Variants in MAP3K19 observed in about 807,000 individuals in gnomAD.
The protein encoded by MAP3K19 is mitogen-activated protein kinase kinase kinase 19.
MAP3K19 carries 91 observed loss-of-function variants against 114.4 expected under a neutral mutation model. The ratio of observed to expected loss-of-function variants is 0.80; its 90% confidence interval spans 0.67 to 0.95. The LOEUF is 0.95. MAP3K19 is among the 40% of genes least tolerant of loss of function. MAP3K19 has a pLI of 0.00. For synonymous variants in MAP3K19, 518 were observed against 530.5 expected, an observed-to-expected ratio of 0.98 and a Z score of 0.32; for missense variants, 1,471 against 1,573.2, an observed-to-expected ratio of 0.94 and a Z score of 1.10.
rs61650738 is a variant in MAP3K19 at position 134,997,820 on chromosome 2, A to AAAAAAAAAAAAAAAAAAAAAAAAAAAC, written c.574+917_574+918insGTTTTTTTTTTTTTTTTTTTTTTTTTT. Among the ~76,000 whole-genome samples the AAAAAAAAAAAAAAAAAAAAAAAAAAAC allele has an allele frequency of 2.2e-4, 32 of 148,472 alleles. 1 individual carries two copies. The highest frequency in any genetic ancestry group is 8.1e-4 in the African/African-American group (32 of 39,646). On this transcript the variant is annotated intron_variant, in intron 8 of 12. Transcript: ENST00000392915. ...GTGACAGAGCGAGACTCCGTCTCAA[A>AAAAAAAAAAAAAAAAAAAAAAAAAAAC]AAAAAAAAAACTTTAAGCACTGCTT... is the stretch of plus-strand genomic sequence containing the variant.
At chr2:134,965,416 G>A (rs1265349071) in intron 12 of MAP3K19, among the ~76,000 whole-genome samples, 3 of 152,208 alleles carry the variant, frequency 2.0e-5, no homozygotes, top group Admixed American at 6.5e-5. Flanking sequence ...CTGGATTAAC[G>A]TAAGATAGAG....
chr2:135,041,264 C>T (rs1688640464), intron 1 of MAP3K19, among the ~76,000 whole-genome samples: 1 of 151,904 alleles, frequency 6.6e-6, no homozygotes. Flanking sequence ...TAACTCATAT[C>T]AGTTTTCCAA....
intron 3 of MAP3K19, among the ~76,000 whole-genome samples, chr2:135,028,557 CAAA>C (rs60216707): frequency 3.7e-5 from 4 of 107,078 alleles, no homozygotes; most frequent in Admixed American, 9.2e-5. Context: ...GACTCTGTCT[CAAA>C]AAAAAAAAAA....
chr2:134,997,820 A>AAAAAAAAACAAAAAAC (rs1686122790), intron 8 of MAP3K19, among the ~76,000 whole-genome samples: 1 of 148,418 alleles, frequency 6.7e-6, no homozygotes. Context: ...TCCGTCTCAA[A>AAAAAAAAACAAAAAAC]AAAAAAAAAA....
chr2:135,042,876 G>A (rs956613482), intron 1 of MAP3K19, among the ~76,000 whole-genome samples: 1 of 152,140 alleles, frequency 6.6e-6, no homozygotes, highest in Non-Finnish European at 1.5e-5. Context: ...GAGTTCGGGA[G>A]TTCAAGACCA....
rs1685148562 is a variant in MAP3K19, at chr2:134,986,744, T to C, written c.2128A>G (p.Ser710Gly). 1 of 1,614,098 alleles carries C rather than the reference T, an allele frequency of 6.2e-7. No individual in the cohort carries two copies. The change falls in exon 10 of 13, where the codon AGC (serine) becomes GGC (glycine). Residue 710 changes from serine (S) to glycine (G), a missense_variant. By Grantham distance (56) the Ser-to-Gly change is moderately conservative. Coordinates refer to ENST00000392915, the MANE Select transcript of MAP3K19 (RefSeq NM_025052.5). ...TGAGAAAGTCTTGTTCTGATATTGC[T>C]CTTCCTCTCACTGTGTGAAGATCGA... is the stretch of plus-strand genomic sequence containing the variant. Reference protein sequence around the residue: ...KCRSSHSERKSNIRTRLSQKK... With the variant: ...KCRSSHSERKGNIRTRLSQKK...
intron 11 of MAP3K19, chr2:134,983,123 C>T: frequency 2.0e-6 from 1 of 503,826 alleles, no homozygotes; most frequent in Non-Finnish European, 4.1e-6. Context: ...AGTCACCCTA[C>T]TGTGTTATCA....
At chr2:135,022,672 T>C (rs1261617582) in intron 4 of MAP3K19, among the ~76,000 whole-genome samples, 11 of 152,192 alleles carry the variant, frequency 7.2e-5, no homozygotes. Flanking sequence ...GACCATCCTA[T>C]AATTTAAAAA....
chr2:134,990,043 A>G (rs139393035), intron 9 of MAP3K19, among the ~76,000 whole-genome samples: 1 of 152,020 alleles, frequency 6.6e-6, no homozygotes, highest in Admixed American at 6.5e-5. Flanking sequence ...GATTGTGCCA[A>G]CTGCACTCCA....
intron 12 of MAP3K19, among the ~76,000 whole-genome samples, chr2:134,974,646 C>G (rs1454588623): frequency 6.6e-6 from 1 of 152,060 alleles, no homozygotes; most frequent in Non-Finnish European, 1.5e-5. Flanking sequence ...TATATCTGGC[C>G]AATTTATAGT....
rs1684568557 is a variant in MAP3K19 at position 134,980,704 on chromosome 2, T to A, written c.3920+117A>T. 6 of 865,464 alleles carry A rather than the reference T, an allele frequency of 6.9e-6. No individual in the cohort carries two copies. The Admixed American group carries it at 1.6e-4, about 23-fold the overall frequency. 53.6% of individuals were successfully genotyped at this position (865,464 alleles called of 1,614,324 possible). A position where few individuals can be genotyped will look rare whatever the true frequency, so the allele number is the denominator to read the frequency against. On this transcript the variant is annotated intron_variant, in intron 12 of 12. Transcript: ENST00000392915. ...GATTACTTTCGGCACAAAATCACTG[T>A]CTACTTGACTTCATAACCAAAACAG...
At chr2:134,998,263 C>T (rs1391776293) in intron 8 of MAP3K19, among the ~76,000 whole-genome samples, 2 of 152,064 alleles carry the variant, frequency 1.3e-5, no homozygotes, top group East Asian at 1.9e-4. Context: ...ACAGCGTGGG[C>T]CCCCAAGATT....
intron 2 of MAP3K19, among the ~76,000 whole-genome samples, chr2:135,034,058 TGGGGCG>T (rs931039037): frequency 1.4e-5 from 1 of 70,990 alleles, no homozygotes; most frequent in Non-Finnish European, 2.4e-5. Context: ...ACTTCTCAGA[TGGGGCG>T]GCCGGGCAGA....
At chr2:134,985,737 T>C (rs1432687377) in intron 10 of MAP3K19, 63 bp downstream of exon 10, 10 of 1,380,682 alleles carry the variant, frequency 7.2e-6, no homozygotes, top group Non-Finnish European at 9.9e-6. Flanking sequence ...ATAAGGGGTT[T>C]GAACCAGATT....
chr2:135,029,049 A>C lies in MAP3K19; in HGVS notation c.-95+1263T>G, dbSNP rs536798913. ...ACCAGTTTCTTAAAACTTGGTTCCT[A>C]ATGTTTAGGGGTTAAAAATGTGGCT... On this transcript the variant is annotated intron_variant, in intron 3 of 12. Coordinates refer to ENST00000392915, the MANE Select transcript of MAP3K19 (RefSeq NM_025052.5). 1.6e-4 allele frequency among the ~76,000 whole-genome samples: 25 copies of C among 152,322 alleles called. No homozygotes were observed. In the East Asian group the frequency reaches 3.7e-3, roughly 22 times the overall value.
intron 11 of MAP3K19, among the ~76,000 whole-genome samples, chr2:134,982,275 C>T (rs1242566877): frequency 2.0e-5 from 3 of 150,874 alleles, no homozygotes; most frequent in African/African-American, 7.3e-5. Context: ...TGTACCACCA[C>T]ACTAGGCTAA....
chr2:134,992,049 T>C (rs1685617950), intron 8 of MAP3K19, among the ~76,000 whole-genome samples: 2 of 152,202 alleles, frequency 1.3e-5, no homozygotes, highest in Admixed American at 6.5e-5. Context: ...CACTTTACTA[T>C]GAATTGTAAG....
chr2:135,046,786 T>C (rs1394944063), intron 1 of MAP3K19, among the ~76,000 whole-genome samples: 2 of 152,214 alleles, frequency 1.3e-5, no homozygotes, highest in Non-Finnish European at 2.9e-5. Context: ...TCTCATTTCA[T>C]GTTGAGAAAG....
At chr2:135,045,205 G>A (rs1274936911) in intron 1 of MAP3K19, among the ~76,000 whole-genome samples, 1 of 152,152 alleles carries the variant, frequency 6.6e-6, no homozygotes, top group East Asian at 1.9e-4. Flanking sequence ...ATGCCTAACA[G>A]TTTTCTTTAA....
Sources: gnomAD v4.1 joint callset for allele counts (sites outside exome capture counted in the v4.1 genomes callset) on GRCh38, gnomAD v4.1.1 for gene constraint, MANE v1.5 for transcripts, NCBI Gene and HGNC (gene_info 2026-07-23, HGNC 2026-07-21) for gene names.